Variants in MYT1L observed in about 807,000 individuals in gnomAD.
MYT1L encodes myelin transcription factor 1 like.
Under a neutral mutation model 126.7 loss-of-function variants are expected in MYT1L, and 12 were observed. The ratio of observed to expected loss-of-function variants is 0.09; its 90% CI spans 0.06 to 0.15. The LOEUF (loss-of-function observed/expected upper bound fraction) is 0.15, where lower values mean the gene tolerates loss of function less well. Among genes scored for constraint, MYT1L ranks in the 10% least tolerant of loss-of-function variants. The probability of loss-of-function intolerance (pLI) is 1.00; values close to 1 mark genes in which losing one functional copy is unlikely to be tolerated. For missense variants in MYT1L, 979 were observed against 1,585.2 expected, an observed-to-expected ratio of 0.62 and a Z score of 6.49; for synonymous variants, 541 against 604.2, an observed-to-expected ratio of 0.90 and a Z score of 1.53.
chr2:2,104,692 C>A (rs2078530708), intron 3 of MYT1L, among the ~76,000 whole-genome samples: 1 of 152,240 alleles, frequency 6.6e-6, no homozygotes, highest in African/African-American at 2.4e-5. Context: ...CCAGTTGTAA[C>A]AACAAAGCCT....
At chr2:2,128,288 A>G (rs2081966718) in intron 3 of MYT1L, among the ~76,000 whole-genome samples, 1 of 152,128 alleles carries the variant, frequency 6.6e-6, no homozygotes, top group African/African-American at 2.4e-5. Flanking sequence ...CTGGGATTAC[A>G]GGCACCCAAC....
Position 1,892,018 on chromosome 2 carries a change from C to T in MYT1L, c.2283+19G>A. ...CTCCCCCACCCGCCAGGTGGCTCCA[C>T]CTGCCCAGGCGCGCGTACCCGCGTG... On this transcript the variant is annotated intron_variant, in intron 15 of 24. Transcript: ENST00000647738. The T allele has an allele frequency of 1.7e-5, 26 of 1,496,370 alleles. No homozygotes were observed. Among genetic ancestry groups the T allele is most frequent in the Non-Finnish European group, 2.3e-5 (26 of 1,123,134 alleles). The allele number at this position is 1,496,370 out of a possible 1,614,324, so 92.7% of individuals were successfully genotyped here.
At chr2:2,163,718 A>G (rs1421177928) in intron 3 of MYT1L, among the ~76,000 whole-genome samples, 1 of 151,476 alleles carries the variant, frequency 6.6e-6, no homozygotes, top group Non-Finnish European at 1.5e-5. Flanking sequence ...AGCCTGGGTG[A>G]AAGAGTGAGA....
At chr2:2,042,370 G>C (rs2067653983) in intron 4 of MYT1L, among the ~76,000 whole-genome samples, 1 of 152,178 alleles carries the variant, frequency 6.6e-6, no homozygotes, top group Non-Finnish European at 1.5e-5. Context: ...GCAACTTTGA[G>C]TGGATCTCTG....
intron 21 of MYT1L, chr2:1,824,577 G>A (rs1013845707): frequency 2.0e-5 from 3 of 152,236 alleles, no homozygotes; most frequent in Admixed American, 6.5e-5. Flanking sequence ...TGACACCCCG[G>A]CCAGGCCATG....
chr2:2,017,722 A>ATCCC (rs1204606708), intron 4 of MYT1L, among the ~76,000 whole-genome samples: 2 of 150,800 alleles, frequency 1.3e-5, no homozygotes, highest in Admixed American at 6.6e-5. Context: ...CTAACCATCC[A>ATCCC]TCCCTCCATC....
chr2:1,978,690 G>A (rs527795569), intron 8 of MYT1L, among the ~76,000 whole-genome samples: 26 of 152,202 alleles, frequency 1.7e-4, no homozygotes, highest in Middle Eastern at 3.4e-3. Context: ...CCCTGCAGCC[G>A]TCCAGATGTA....
intron 1 of MYT1L, among the ~76,000 whole-genome samples, chr2:2,318,420 G>A (rs1417515124): frequency 6.6e-6 from 1 of 152,168 alleles, no homozygotes; most frequent in Non-Finnish European, 1.5e-5. Flanking sequence ...ATGAACAGGT[G>A]GCTTTGCCCA....
chr2:2,329,836 T>A (rs991015282), intron 1 of MYT1L, among the ~76,000 whole-genome samples: 1 of 152,178 alleles, frequency 6.6e-6, no homozygotes, highest in African/African-American at 2.4e-5. Context: ...GAATCATACA[T>A]GTTCTTTTAG....
chr2:1,992,634 C>T (rs1168614558), intron 5 of MYT1L, among the ~76,000 whole-genome samples: 2 of 152,214 alleles, frequency 1.3e-5, no homozygotes, highest in East Asian at 3.9e-4. Context: ...TAACCCACTC[C>T]ATCTTGCTTT....
At chr2:2,007,065 C>T (rs963089392) in intron 4 of MYT1L, among the ~76,000 whole-genome samples, 1 of 150,206 alleles carries the variant, frequency 6.7e-6, no homozygotes, top group African/African-American at 2.5e-5. Context: ...ATATATATAT[C>T]CCCCACATTT....
intron 3 of MYT1L, among the ~76,000 whole-genome samples, chr2:2,066,495 C>T (rs1181077187): frequency 6.6e-6 from 1 of 152,214 alleles, no homozygotes; most frequent in East Asian, 1.9e-4. Flanking sequence ...ATTCTCTGTA[C>T]ATTTGTTGTG....
At chr2:1,822,316 T>G (rs773683500) in intron 21 of MYT1L, among the ~76,000 whole-genome samples, 10 of 152,194 alleles carry the variant, frequency 6.6e-5, no homozygotes, top group Non-Finnish European at 1.3e-4. Context: ...TTAGTGGAGA[T>G]ATATGTGATT....
In MYT1L at chr2:2,313,086, T is replaced by C. The variant is rs1311144111; in HGVS notation, c.-521+17881A>G. 2.0e-5 allele frequency among the ~76,000 whole-genome samples: 3 copies of C among 152,216 alleles called. No individual in the cohort carries two copies. The East Asian group carries it at 5.8e-4, about 29-fold the overall frequency. ...CTGAAGAAATTACAATTTGTGTTCT[T>C]TTCAGAATATATATGACTGAAGGAT... is the stretch of plus-strand genomic sequence containing the variant. On this transcript the variant is annotated intron_variant, in intron 1 of 24. Coordinates refer to ENST00000647738, the MANE Select transcript of MYT1L (RefSeq NM_001303052.2).
chr2:2,279,593 G>GAAGGAAGGAATC (rs2095419356), intron 2 of MYT1L, among the ~76,000 whole-genome samples: 2 of 151,030 alleles, frequency 1.3e-5, no homozygotes, highest in South Asian at 4.2e-4. Flanking sequence ...AGGAAGGAAG[G>GAAGGAAGGAATC]AAGGAAGGAA....
At chr2:1,954,617 T>C (rs768678511) in intron 8 of MYT1L, among the ~76,000 whole-genome samples, 45 of 151,998 alleles carry the variant, frequency 3.0e-4, no homozygotes, top group Non-Finnish European at 4.9e-4. Context: ...CAAGTGGCTG[T>C]TCCACTTTCC....
At chr2:2,295,473 G>C (rs2095656809) in intron 1 of MYT1L, among the ~76,000 whole-genome samples, 1 of 151,946 alleles carries the variant, frequency 6.6e-6, no homozygotes, top group Non-Finnish European at 1.5e-5. Flanking sequence ...ATGGGAGATG[G>C]AAAACCAACC....
intron 3 of MYT1L, among the ~76,000 whole-genome samples, chr2:2,128,879 G>C (rs2147992637): frequency 6.6e-6 from 1 of 152,288 alleles, no homozygotes; most frequent in African/African-American, 2.4e-5. Flanking sequence ...AACATAGTGA[G>C]ATAATTGCCC....
At chr2:1,981,164 T>G (rs1182528575) in intron 5 of MYT1L, among the ~76,000 whole-genome samples, 1 of 152,202 alleles carries the variant, frequency 6.6e-6, no homozygotes, top group Admixed American at 6.5e-5. Flanking sequence ...GATTTAATGT[T>G]TATAGCAACT....
Sources: gnomAD v4.1 joint callset for allele counts (sites outside exome capture counted in the v4.1 genomes callset) on GRCh38, gnomAD v4.1.1 for gene constraint, MANE v1.5 for transcripts, NCBI Gene and HGNC (gene_info 2026-07-23, HGNC 2026-07-21) for gene names.